DNAH12: variants seen among roughly 807,000 people sequenced by gnomAD.
DNAH12 encodes dynein axonemal heavy chain 12.
A neutral mutation model predicts 371.5 loss-of-function variants in DNAH12; 285 were observed. The ratio of observed to expected loss-of-function variants is 0.77; its 90% confidence interval spans 0.70 to 0.85. The LOEUF (loss-of-function observed/expected upper bound fraction) is 0.85, where lower values mean the gene tolerates loss of function less well. DNAH12 is among the 40% of genes least tolerant of loss of function. The pLI is 0.00. For synonymous variants in DNAH12, 1,200 were observed against 1,213.0 expected (o/e 0.99, Z 0.22); for missense variants, 3,611 against 3,689.4 (o/e 0.98, Z 0.55).
intron 43 of DNAH12, 107 bp downstream of exon 43, chr3:57,403,202 T>C (rs1278177097): frequency 1.6e-5 from 18 of 1,113,458 alleles, no homozygotes; most frequent in Non-Finnish European, 2.3e-5. Context: ...ATTAGCATCA[T>C]CATCATCACT....
chr3:57,408,131 T>C, intron 40 of DNAH12, 149 bp downstream of exon 40: 1 of 897,618 alleles, frequency 1.1e-6, no homozygotes. Context: ...ATTCCCTCAT[T>C]TCAAATCCTG....
Position 57,413,786 on chromosome 3 carries a change from G to T in DNAH12, c.5980C>A (p.Pro1994Thr), listed in dbSNP as rs376579857. 1 of 1,551,002 alleles carries T rather than the reference G, an allele frequency of 6.4e-7. No individual in the cohort carries two copies. The highest frequency in any genetic ancestry group is 8.7e-7 in the Non-Finnish European group (1 of 1,146,732). ...PALEKYGAQP[P>T]IELLRQFFDC... The stretch of plus-strand genomic sequence containing the variant: ...AAAAACTGTCGTAATAATTCAATAG[G>T]TGGTTGAGCTCCATACTTCTCCAAT... Residue 1994 changes from proline to threonine, a missense_variant, in exon 39 of 74, where the codon CCT (proline) becomes ACT (threonine). By Grantham distance (38) the Pro-to-Thr change is conservative (BLOSUM62 -1). Coordinates refer to ENST00000495027, the MANE Select transcript of DNAH12 (RefSeq NM_001366028.2).
At chr3:57,497,438 T>C (rs751985680) in intron 11 of DNAH12, among the ~76,000 whole-genome samples, 7 of 152,148 alleles carry the variant, frequency 4.6e-5, no homozygotes, top group Non-Finnish European at 5.9e-5. Flanking sequence ...GACCCACAGA[T>C]ATAGGGTCAA....
chr3:57,485,410 T>C (rs1198168667), intron 12 of DNAH12, among the ~76,000 whole-genome samples: 1 of 53,368 alleles, frequency 1.9e-5, no homozygotes, highest in Non-Finnish European at 5.9e-5. Context: ...CATTATTCTT[T>C]TTTTTTTTTC....
At chr3:57,550,046 C>T in the DNAH12 span, among the ~76,000 whole-genome samples, 1 of 152,006 alleles carries the variant, frequency 6.6e-6, no homozygotes, top group Admixed American at 6.6e-5. Flanking sequence ...TGGTGGTTCA[C>T]GCCTGTAATC....
At chr3:57,402,752 CCA>C (rs1158928821) in intron 43 of DNAH12, among the ~76,000 whole-genome samples, 7 of 152,078 alleles carry the variant, frequency 4.6e-5, no homozygotes, top group South Asian at 4.2e-4. Context: ...AGAAGAAGTT[CCA>C]GTGTTCAATA....
At chr3:57,309,883 A>G in intron 67 of DNAH12, 29 bp from the exon 68 acceptor site, 1 of 1,533,006 alleles carries the variant, frequency 6.5e-7, no homozygotes, top group African/African-American at 1.4e-5. Context: ...AGCATGCATC[A>G]TATTTTCCCT....
chr3:57,302,567 A>ATATATATATTTTTTTTTT (rs2061380979), intron 69 of DNAH12, among the ~76,000 whole-genome samples: 2 of 27,478 alleles, frequency 7.3e-5, no homozygotes, highest in Admixed American at 7.2e-4. Flanking sequence ...ATATATATGT[A>ATATATATATTTTTTTTTT]TTTTTTTTTT....
At chr3:57,467,968 T>A (rs2066253540) in intron 17 of DNAH12, among the ~76,000 whole-genome samples, 1 of 152,140 alleles carries the variant, frequency 6.6e-6, no homozygotes, top group African/African-American at 2.4e-5. Context: ...TCTCTTGCCC[T>A]TACCACTTCC....
At chr3:57,350,480 T>A (rs1916285) in intron 60 of DNAH12, among the ~76,000 whole-genome samples, 143,252 of 152,242 alleles carry the variant, frequency 0.94, 67,494 homozygotes, top group East Asian at 1. Flanking sequence ...AGCTGCATGG[T>A]AAAAATGTAA....
intron 55 of DNAH12, among the ~76,000 whole-genome samples, chr3:57,369,620 C>G (rs1408645303): frequency 2.0e-5 from 3 of 152,002 alleles, no homozygotes; most frequent in African/African-American, 7.2e-5. Context: ...CCAGACGGTA[C>G]TTAAAATCTA....
intron 68 of DNAH12, 67 bp from the exon 69 acceptor site, chr3:57,309,321 T>C: frequency 1.6e-6 from 2 of 1,246,846 alleles, no homozygotes; most frequent in South Asian, 1.4e-5. Flanking sequence ...ATTCAGCCAT[T>C]ATATAATAAT....
chr3:57,445,079 C>G (rs557100571), intron 28 of DNAH12, 95 bp downstream of exon 28: 4 of 1,349,728 alleles, frequency 3.0e-6, no homozygotes, highest in Non-Finnish European at 4.0e-6. Context: ...CAAAGCTCAA[C>G]CCTCTCAAGT....
At chr3:57,548,349 A>C (rs2069594668), upstream of DNAH12, among the ~76,000 whole-genome samples, 1 of 152,220 alleles carries the variant, frequency 6.6e-6, no homozygotes, top group South Asian at 2.1e-4. Context: ...GAAAAGACTT[A>C]ATTTAGAATT....
chr3:57,334,721 A>C, intron 61 of DNAH12, 61 bp downstream of exon 61: 1 of 1,510,692 alleles, frequency 6.6e-7, no homozygotes, highest in African/African-American at 1.4e-5. Flanking sequence ...AAAATCACTA[A>C]ATTGAAGAAC....
intron 55 of DNAH12, among the ~76,000 whole-genome samples, chr3:57,370,808 T>G (rs1471051009): frequency 6.6e-6 from 1 of 152,138 alleles, no homozygotes; most frequent in Admixed American, 6.5e-5. Flanking sequence ...AACTGACACC[T>G]GGACTTGGGA....
chr3:57,379,907 G>T (rs1317209535), intron 51 of DNAH12, among the ~76,000 whole-genome samples: 1 of 87,790 alleles, frequency 1.1e-5, no homozygotes, highest in Non-Finnish European at 2.5e-5. Context: ...CAATGGAAAA[G>T]AACAATTAAA....
rs1553664366 is a variant in DNAH12, at chr3:57,361,470, ATC to A, written c.9360+2122_9360+2123del. 1.2e-4 allele frequency among the ~76,000 whole-genome samples: 17 copies of A among 141,402 alleles called. 1 individual carries two copies. Among genetic ancestry groups the A allele is most frequent in the African/African-American group, 4.8e-4 (17 of 35,110 alleles). 92.8% of individuals were successfully genotyped at this position (141,402 alleles called of 152,430 possible). The stretch of plus-strand genomic sequence containing the variant: ...TATATATATATATATATATATATAT[ATC>A]TCATTCAGCTCTGTTAGGTGAATTT... On this transcript the variant is annotated intron_variant, in intron 58 of 73. Coordinates refer to ENST00000495027, the MANE Select transcript of DNAH12 (RefSeq NM_001366028.2).
chr3:57,386,698 A>T (rs1163032946), intron 46 of DNAH12, 95 bp from the exon 47 acceptor site: 1 of 152,254 alleles, frequency 6.6e-6, no homozygotes, highest in African/African-American at 2.4e-5. Flanking sequence ...AATAAAGATT[A>T]CATTTTATAC....
Sources: gnomAD v4.1 joint callset for allele counts (sites outside exome capture counted in the v4.1 genomes callset) on GRCh38, gnomAD v4.1.1 for gene constraint, MANE v1.5 for transcripts, NCBI Gene and HGNC (gene_info 2026-07-23, HGNC 2026-07-21) for gene names.